MMP16: variants seen among roughly 807,000 people sequenced by gnomAD.
MMP16 encodes the protein matrix metallopeptidase 16.
MMP16 carries 12 observed loss-of-function variants against 67.8 expected under a neutral mutation model. The observed-to-expected ratio is 0.18, with a 90% CI of 0.11 to 0.29. The LOEUF (loss-of-function observed/expected upper bound fraction) is 0.29, where lower values mean the gene tolerates loss of function less well. MMP16 is among the 10% of genes least tolerant of loss of function. The pLI is 1.00. For missense variants in MMP16, 475 were observed against 765.7 expected (o/e 0.62, Z 4.48); for synonymous variants, 249 against 255.9 (o/e 0.97, Z 0.26).
At chr8:88,104,779 G>A (rs1809208379) in intron 6 of MMP16, among the ~76,000 whole-genome samples, 1 of 151,400 alleles carries the variant, frequency 6.6e-6, no homozygotes, top group African/African-American at 2.4e-5. Context: ...GGAGGTAGAA[G>A]ACAGTGATGA....
intron 1 of MMP16, among the ~76,000 whole-genome samples, chr8:88,283,055 T>A (rs987879155): frequency 6.6e-6 from 1 of 152,154 alleles, no homozygotes; most frequent in African/African-American, 2.4e-5. Context: ...CTTTCATTAC[T>A]AAACATCTCA....
At chr8:88,107,816 A>G (rs62525940) in intron 6 of MMP16, among the ~76,000 whole-genome samples, 11,859 of 151,234 alleles carry the variant, frequency 0.078, 529 homozygotes, top group East Asian at 0.18. Context: ...ACATAAATAC[A>G]CTTGTTGAGT....
intron 4 of MMP16, among the ~76,000 whole-genome samples, chr8:88,125,239 A>C (rs1014274999): frequency 5.3e-5 from 8 of 150,688 alleles, no homozygotes; most frequent in African/African-American, 1.9e-4. Flanking sequence ...TGCTACAATT[A>C]GAAGAAATAA....
At chr8:88,149,123 A>C (rs1808349195) in intron 4 of MMP16, among the ~76,000 whole-genome samples, 1 of 152,090 alleles carries the variant, frequency 6.6e-6, no homozygotes, top group African/African-American at 2.4e-5. Context: ...AAATCGGGTC[A>C]CTCCCACCCG....
At chr8:88,266,928 T>C (rs1810485742) in intron 1 of MMP16, among the ~76,000 whole-genome samples, 1 of 152,202 alleles carries the variant, frequency 6.6e-6, no homozygotes. Flanking sequence ...ACTGGTCACA[T>C]GAGTTGAGAA....
chr8:88,210,625 C>T (rs897589228), intron 1 of MMP16, among the ~76,000 whole-genome samples: 3 of 152,076 alleles, frequency 2.0e-5, no homozygotes, highest in Admixed American at 2.0e-4. Context: ...ACACATATAG[C>T]AAAGATTAGC....
At chr8:88,175,902 C>G (rs1347634322) in intron 3 of MMP16, among the ~76,000 whole-genome samples, 1 of 152,174 alleles carries the variant, frequency 6.6e-6, no homozygotes, top group Non-Finnish European at 1.5e-5. Context: ...CACAAGCTCT[C>G]TTGCCTGCTG....
intron 2 of MMP16, among the ~76,000 whole-genome samples, chr8:88,188,805 G>A (rs1398584002): frequency 1.3e-5 from 2 of 151,956 alleles, no homozygotes; most frequent in Non-Finnish European, 1.5e-5. Context: ...ACAGGCATGC[G>A]CCACCACACC....
At chr8:88,204,079 T>C (rs1303184646) in intron 1 of MMP16, among the ~76,000 whole-genome samples, 1 of 152,192 alleles carries the variant, frequency 6.6e-6, no homozygotes, top group Non-Finnish European at 1.5e-5. Context: ...TCATGACCTA[T>C]TCCAACTGTC....
At chr8:88,266,326 T>C (rs1741169882) in intron 1 of MMP16, among the ~76,000 whole-genome samples, 1 of 116,552 alleles carries the variant, frequency 8.6e-6, no homozygotes, top group East Asian at 3.2e-4. Flanking sequence ...GATCTCCTTA[T>C]TAGTGAGTAT....
chr8:88,305,972 C>A (rs1811205520), intron 1 of MMP16, among the ~76,000 whole-genome samples: 1 of 149,958 alleles, frequency 6.7e-6, no homozygotes, highest in Non-Finnish European at 1.5e-5. Flanking sequence ...CACGAAAAGC[C>A]CCTTGAAAAA....
rs1213733085 is a variant in MMP16, at chr8:88,116,692, T to C, written c.898A>G (p.Thr300Ala). 2 of 1,613,640 alleles carry C rather than the reference T, an allele frequency of 1.2e-6. No homozygotes were observed. Among genetic ancestry groups the C allele is most frequent in the South Asian group, 1.1e-5 (1 of 91,070 alleles). Reference protein sequence around the residue: ...YGPPDKIPPPTRPLPTVPPHR... With the variant: ...YGPPDKIPPPARPLPTVPPHR... The stretch of plus-strand genomic sequence containing the variant: ...GGGGGCACTGTCGGTAGAGGTCTTG[T>C]AGGTGGAGGAATCTTGTCAGGTGGA... The change falls in exon 6 of 10, where the codon ACA becomes GCA. Residue 300 changes from threonine to alanine, a missense_variant. By Grantham distance (58) the Thr-to-Ala change is moderately conservative (BLOSUM62 0). Coordinates refer to ENST00000286614, the MANE Select transcript of MMP16 (RefSeq NM_005941.5).
chr8:88,179,831 C>T (rs1324591563), intron 3 of MMP16, among the ~76,000 whole-genome samples: 1 of 152,042 alleles, frequency 6.6e-6, no homozygotes, highest in African/African-American at 2.4e-5. Context: ...GGACAATTGA[C>T]AGGCTAAGAG....
rs1489986159 is a variant in MMP16 at position 88,034,318 on chromosome 8, A to G, written c.*7143T>C. On this transcript the variant is annotated 3_prime_UTR_variant, in exon 10 of 10. Transcript: ENST00000286614. ...AGACTGCATAGGACAACTCAATAAG[A>G]TGTATCTTTCCCAACCATCTGTATT... is the stretch of plus-strand genomic sequence containing the variant. 1.3e-5 allele frequency: 2 copies of G among 152,346 alleles called. No homozygotes were observed. The highest frequency in any genetic ancestry group is 4.8e-5 in the African/African-American group (2 of 41,386). The allele number at this position is 152,346 out of a possible 1,614,324, so 9.4% of individuals were successfully genotyped here. A position where few individuals can be genotyped will look rare whatever the true frequency, so the allele number is the denominator to read the frequency against.
chr8:88,156,194 T>A (rs1808506176), intron 4 of MMP16, among the ~76,000 whole-genome samples: 1 of 152,116 alleles, frequency 6.6e-6, no homozygotes, highest in African/African-American at 2.4e-5. Flanking sequence ...TTCTCTACTT[T>A]TTTTTAACTT....
At chr8:88,226,213 G>C (rs1280539556) in intron 1 of MMP16, among the ~76,000 whole-genome samples, 27 of 151,836 alleles carry the variant, frequency 1.8e-4, no homozygotes, top group Admixed American at 1.6e-3. Context: ...GTGAAAGTGA[G>C]AATTACTTTC....
At position 88,147,692 on chromosome 8, in the gene MMP16, G is replaced by A. The variant is rs141652968; in HGVS notation, c.709+19977C>T. ...TCCAGTGACTATGGGAGTTTCCTGTGAAATTGTACCTAATGAGTCTTTTCT... is the reference window on the plus strand; with the variant it reads ...TCCAGTGACTATGGGAGTTTCCTGTAAAATTGTACCTAATGAGTCTTTTCT... On this transcript the variant is annotated intron_variant, in intron 4 of 9. Coordinates refer to ENST00000286614, the MANE Select transcript of MMP16 (RefSeq NM_005941.5). Among the ~76,000 whole-genome samples the A allele has an allele frequency of 2.6e-3, 393 of 151,972 alleles. 2 individuals carry two copies. The highest frequency in any genetic ancestry group is 9.2e-3 in the African/African-American group (383 of 41,450).
At chr8:88,262,524 T>G (rs1048623854) in intron 1 of MMP16, among the ~76,000 whole-genome samples, 1 of 152,224 alleles carries the variant, frequency 6.6e-6, no homozygotes, top group Non-Finnish European at 1.5e-5. Context: ...GCTAGCAGTA[T>G]TGCTTACTAC....
chr8:88,102,018 T>C (rs933921734), intron 6 of MMP16, among the ~76,000 whole-genome samples: 1 of 151,888 alleles, frequency 6.6e-6, no homozygotes, highest in Non-Finnish European at 1.5e-5. Context: ...GCTGCTCTTT[T>C]GTCCTTATGA....
Sources: allele counts gnomAD v4.1 joint callset (sites outside exome capture counted in the v4.1 genomes callset), GRCh38; gene constraint gnomAD v4.1.1; transcripts MANE v1.5; gene names NCBI Gene and HGNC (gene_info 2026-07-23, HGNC 2026-07-21).